SUPT3H: variants seen among roughly 807,000 people sequenced by gnomAD.
SUPT3H encodes the protein SPT3 homolog, SAGA and STAGA complex component, also known as transcription initiation protein SPT3 homolog.
In SUPT3H, 44 loss-of-function variants were observed where a neutral mutation model predicts 44.3. The ratio of observed to expected loss-of-function variants is 0.99; its 90% CI spans 0.78 to 1.28. The LOEUF (loss-of-function observed/expected upper bound fraction) is 1.28, where lower values mean the gene tolerates loss of function less well. Among genes scored for constraint, SUPT3H ranks in the 50% most tolerant of loss-of-function variants. The probability of loss-of-function intolerance (pLI) is 0.00; values close to 1 mark genes in which losing one functional copy is unlikely to be tolerated. For synonymous variants in SUPT3H, 124 were observed against 125.6 expected, an observed-to-expected ratio of 0.99 and a Z score of 0.09; for missense variants, 380 against 387.1, an observed-to-expected ratio of 0.98 and a Z score of 0.15.
intron 2 of SUPT3H, among the ~76,000 whole-genome samples, chr6:45,166,129 C>T (rs1318181541): frequency 1.3e-5 from 2 of 151,998 alleles, no homozygotes; most frequent in Non-Finnish European, 2.9e-5. Flanking sequence ...GTCATCTCTA[C>T]AAAAAATTTA....
chr6:45,246,497 G>C (rs142296667), intron 2 of SUPT3H, among the ~76,000 whole-genome samples: 168 of 152,190 alleles, frequency 1.1e-3, no homozygotes, highest in African/African-American at 3.9e-3. Context: ...AAAATTATCA[G>C]TCCCATGGTT....
chr6:44,937,302 G>T (rs1445155312), intron 9 of SUPT3H, among the ~76,000 whole-genome samples: 2 of 151,950 alleles, frequency 1.3e-5, no homozygotes, highest in Non-Finnish European at 2.9e-5. Context: ...GACCAGCCTG[G>T]CCAACATGGT....
intron 2 of SUPT3H, among the ~76,000 whole-genome samples, chr6:45,187,220 G>C (rs970563080): frequency 2.0e-5 from 3 of 150,048 alleles, no homozygotes; most frequent in African/African-American, 7.3e-5. Flanking sequence ...CTCGGGACCA[G>C]CCTGGCCAAC....
chr6:45,036,760 C>T (rs1462192676), intron 3 of SUPT3H, among the ~76,000 whole-genome samples: 3 of 152,106 alleles, frequency 2.0e-5, no homozygotes, highest in Non-Finnish European at 4.4e-5. Flanking sequence ...TGGACTCTTT[C>T]TCAGGAAGTA....
chr6:45,016,856 C>T (rs1350281779), intron 4 of SUPT3H, among the ~76,000 whole-genome samples: 3 of 151,972 alleles, frequency 2.0e-5, no homozygotes, highest in Non-Finnish European at 4.4e-5. Flanking sequence ...TGGGTATATA[C>T]CCAGTAATGG....
At chr6:44,950,669 T>C (rs7749865) in intron 9 of SUPT3H, among the ~76,000 whole-genome samples, 51,512 of 151,804 alleles carry the variant, frequency 0.34, 9,600 homozygotes, top group Admixed American at 0.41. Context: ...GAACCCAAGC[T>C]TAACCAGCCC....
intron 2 of SUPT3H, among the ~76,000 whole-genome samples, chr6:45,259,262 G>T (rs539943622): frequency 3.3e-5 from 5 of 152,010 alleles, no homozygotes; most frequent in East Asian, 1.9e-4. Flanking sequence ...TTTTCAATTG[G>T]GGGGGAGGGT....
At chr6:45,037,818 T>A (rs1583195107) in intron 3 of SUPT3H, among the ~76,000 whole-genome samples, 1 of 150,716 alleles carries the variant, frequency 6.6e-6, no homozygotes, top group East Asian at 2.0e-4. Flanking sequence ...AAAAAAAAAA[T>A]ACTAAGGAGT....
intron 9 of SUPT3H, among the ~76,000 whole-genome samples, chr6:44,934,113 C>A (rs1376853807): frequency 6.6e-6 from 1 of 151,922 alleles, no homozygotes; most frequent in East Asian, 1.9e-4. Context: ...ATTTGTTTTT[C>A]TGATAATTAC....
chr6:45,178,219 G>A (rs1390748474), intron 2 of SUPT3H, among the ~76,000 whole-genome samples: 1 of 152,200 alleles, frequency 6.6e-6, no homozygotes, highest in East Asian at 1.9e-4. Flanking sequence ...AAAGGATAGA[G>A]GAAGATCTAC....
rs1561845709 is a variant in SUPT3H, at chr6:44,829,867, A to C, written c.913-10T>G. 4 of 1,612,850 alleles carry C rather than the reference A, an allele frequency of 2.5e-6. No individual in the cohort carries two copies. The South Asian group carries it at 4.4e-5, about 18-fold the overall frequency. On this transcript the variant is annotated splice_polypyrimidine_tract_variant and intron_variant, in intron 10 of 10. Transcript: ENST00000371459. ...TCCTGCGGTAGGCATTCTGTCAAAGAAAAAGAAATCTGCAATGAATTATCA... is the reference window on the plus strand; with the variant it reads ...TCCTGCGGTAGGCATTCTGTCAAAGCAAAAGAAATCTGCAATGAATTATCA...
At chr6:44,824,980 C>T (rs145416867), downstream of SUPT3H, among the ~76,000 whole-genome samples, 118 of 152,204 alleles carry the variant, frequency 7.8e-4, 1 homozygote, top group East Asian at 0.022. Flanking sequence ...AGGGCATTGC[C>T]ATATGTACTT....
In SUPT3H at chr6:45,361,303, T is replaced by TG. The variant is rs1794216747; in HGVS notation, c.101+3897_101+3898insC. On this transcript the variant is annotated intron_variant, in intron 2 of 10. Coordinates refer to ENST00000371459, the MANE Select transcript of SUPT3H (RefSeq NM_003599.4). The stretch of plus-strand genomic sequence containing the variant: ...CAAGATTTTTTCAATGTTATTGCTA[T>TG]TTATCCCCAAAACTCCCAATTTTTA... 2.0e-5 allele frequency among the ~76,000 whole-genome samples: 3 copies of TG among 152,146 alleles called. No homozygotes were observed. The South Asian group carries it at 6.2e-4, about 31-fold the overall frequency.
At chr6:44,905,651 C>T (rs1392212984) in intron 10 of SUPT3H, among the ~76,000 whole-genome samples, 1 of 151,952 alleles carries the variant, frequency 6.6e-6, no homozygotes, top group African/African-American at 2.4e-5. Flanking sequence ...ACCATTTGAC[C>T]CAGCCATCCC....
chr6:44,908,540 C>A (rs1394327478), intron 10 of SUPT3H, among the ~76,000 whole-genome samples: 1 of 152,054 alleles, frequency 6.6e-6, no homozygotes, highest in Non-Finnish European at 1.5e-5. Flanking sequence ...ATGGAACTTG[C>A]CTGGCTGCCA....
chr6:45,007,452 A>C (rs1045938921), intron 5 of SUPT3H, among the ~76,000 whole-genome samples: 6 of 151,926 alleles, frequency 3.9e-5, no homozygotes, highest in African/African-American at 1.4e-4. Flanking sequence ...TAATTTTCAT[A>C]TCTTTACATT....
At chr6:45,220,648 C>T (rs1407911791) in intron 2 of SUPT3H, among the ~76,000 whole-genome samples, 2 of 152,154 alleles carry the variant, frequency 1.3e-5, no homozygotes, top group Non-Finnish European at 1.5e-5. Context: ...TTCCTACTTG[C>T]TAATGACATT....
intron 6 of SUPT3H, among the ~76,000 whole-genome samples, chr6:44,995,037 T>C (rs1781087917): frequency 3.3e-5 from 5 of 152,032 alleles, no homozygotes. Flanking sequence ...TGACACTATG[T>C]AGGGTTATAG....
chr6:45,110,361 C>T (rs1799869809), intron 2 of SUPT3H, among the ~76,000 whole-genome samples: 1 of 152,088 alleles, frequency 6.6e-6, no homozygotes, highest in Admixed American at 6.5e-5. Context: ...GAATGCTGAA[C>T]AAAACCATTG....
Sources: gnomAD v4.1 joint callset for allele counts (sites outside exome capture counted in the v4.1 genomes callset) on GRCh38, gnomAD v4.1.1 for gene constraint, MANE v1.5 for transcripts, NCBI Gene and HGNC (gene_info 2026-07-23, HGNC 2026-07-21) for gene names.